Variants in SCAPER observed in about 807,000 individuals in gnomAD.
SCAPER encodes S phase cyclin A-associated protein in the endoplasmic reticulum.
SCAPER carries 98 observed loss-of-function variants against 182.2 expected under a neutral mutation model. The observed-to-expected ratio is 0.54, with a 90% CI of 0.46 to 0.64. The LOEUF is 0.64. Among genes scored for constraint, SCAPER ranks in the 30% least tolerant of loss-of-function variants. SCAPER has a pLI of 0.00. For missense variants in SCAPER, 1,432 were observed against 1,690.0 expected (o/e 0.85, Z 2.68); for synonymous variants, 605 against 564.6 (o/e 1.07, Z -1.01).
At chr15:76,798,902 A>G (rs561922218) in intron 7 of SCAPER, among the ~76,000 whole-genome samples, 2 of 152,318 alleles carry the variant, frequency 1.3e-5, no homozygotes, top group South Asian at 2.1e-4. Context: ...CCAGGCTCAA[A>G]CAAAAGGACA....
intron 27 of SCAPER, among the ~76,000 whole-genome samples, chr15:76,398,817 C>T (rs2044257533): frequency 6.6e-6 from 1 of 152,206 alleles, no homozygotes; most frequent in Admixed American, 6.5e-5. Flanking sequence ...TTCCTCTCTT[C>T]AGTGTAGTTG....
At chr15:76,557,059 G>A (rs971537268) in intron 23 of SCAPER, among the ~76,000 whole-genome samples, 1 of 152,118 alleles carries the variant, frequency 6.6e-6, no homozygotes, top group African/African-American at 2.4e-5. Flanking sequence ...ATAGAGAGGT[G>A]AAAGATTTCT....
At chr15:76,590,081 G>A (rs2048991767) in intron 22 of SCAPER, among the ~76,000 whole-genome samples, 1 of 152,152 alleles carries the variant, frequency 6.6e-6, no homozygotes, top group Admixed American at 6.5e-5. Context: ...AGGGTCTGTG[G>A]ATTCTCTCGG....
intron 21 of SCAPER, among the ~76,000 whole-genome samples, chr15:76,641,672 C>T (rs546360334): frequency 2.4e-4 from 36 of 152,238 alleles, no homozygotes; most frequent in Non-Finnish European, 4.3e-4. Flanking sequence ...TGGCTAATTG[C>T]TCACCCAGCA....
At chr15:76,402,220 G>A (rs938231293) in intron 27 of SCAPER, among the ~76,000 whole-genome samples, 4 of 152,128 alleles carry the variant, frequency 2.6e-5, no homozygotes, top group Middle Eastern at 3.2e-3. Context: ...ACTCAGAATT[G>A]TACTACTGAA....
At chr15:76,694,501 C>T (rs939668474) in intron 20 of SCAPER, among the ~76,000 whole-genome samples, 8 of 151,920 alleles carry the variant, frequency 5.3e-5, no homozygotes, top group African/African-American at 9.7e-5. Context: ...ATTGAATATA[C>T]ACAATTTCTG....
chr15:76,786,071 G>A (rs1019924447), intron 8 of SCAPER, among the ~76,000 whole-genome samples: 3 of 152,004 alleles, frequency 2.0e-5, no homozygotes, highest in African/African-American at 4.8e-5. Context: ...GCTCATGCCT[G>A]TAATCCCAGC....
chr15:76,831,124 G>A (rs1568279514), intron 5 of SCAPER, among the ~76,000 whole-genome samples: 1 of 152,110 alleles, frequency 6.6e-6, no homozygotes, highest in African/African-American at 2.4e-5. Context: ...TTAGGCATGG[G>A]GACAGCTACT....
At chr15:76,431,470 T>C (rs1207700548) in intron 26 of SCAPER, among the ~76,000 whole-genome samples, 1 of 151,816 alleles carries the variant, frequency 6.6e-6, no homozygotes, top group East Asian at 1.9e-4. Context: ...CTATGCCAGA[T>C]AAGGGGAAGG....
chr15:76,351,823 A>C (rs529423236), intron 30 of SCAPER, among the ~76,000 whole-genome samples: 13 of 152,208 alleles, frequency 8.5e-5, no homozygotes, highest in Non-Finnish European at 1.8e-4. Context: ...TCCTATCTAT[A>C]TTCATTCTCT....
chr15:76,553,986 G>C (rs2045985233), intron 23 of SCAPER, among the ~76,000 whole-genome samples: 1 of 152,072 alleles, frequency 6.6e-6, no homozygotes, highest in Non-Finnish European at 1.5e-5. Flanking sequence ...GGCTCAAACG[G>C]CTGAAATGAC....
chr15:76,652,692 CAG>C (rs1317582571), intron 21 of SCAPER, among the ~76,000 whole-genome samples: 8 of 150,170 alleles, frequency 5.3e-5, no homozygotes, highest in African/African-American at 2.0e-4. Context: ...GCCTGGGCGA[CAG>C]AGGGAGATTC....
intron 22 of SCAPER, among the ~76,000 whole-genome samples, chr15:76,575,455 A>G (rs2047747996): frequency 6.6e-6 from 1 of 152,250 alleles, no homozygotes; most frequent in African/African-American, 2.4e-5. Flanking sequence ...TTGGAACAAG[A>G]AAATTTTCAC....
chr15:76,652,273 A>AAATAT (rs1207156993), intron 21 of SCAPER, among the ~76,000 whole-genome samples: 38 of 12,832 alleles, frequency 3.0e-3, no homozygotes, highest in Non-Finnish European at 4.8e-3. Flanking sequence ...AAAAAAAAAA[A>AAATAT]ATATATATAT....
chr15:76,734,790 T>C (rs1236103794), intron 15 of SCAPER, among the ~76,000 whole-genome samples: 1 of 152,058 alleles, frequency 6.6e-6, no homozygotes, highest in African/African-American at 2.4e-5. Context: ...GAGAACTGCT[T>C]GAACCCGGGA....
chr15:76,818,901 T>C (rs2067295453), intron 5 of SCAPER, among the ~76,000 whole-genome samples: 1 of 152,210 alleles, frequency 6.6e-6, no homozygotes, highest in Non-Finnish European at 1.5e-5. Flanking sequence ...TACTGTGCTT[T>C]TCCAACAGGC....
At chr15:76,431,878 T>A (rs893370361) in intron 26 of SCAPER, among the ~76,000 whole-genome samples, 1 of 152,124 alleles carries the variant, frequency 6.6e-6, no homozygotes, top group Non-Finnish European at 1.5e-5. Flanking sequence ...TCAATCATCA[T>A]TTTTAAGTCA....
At chr15:76,746,175 G>A (rs544996922) in intron 15 of SCAPER, among the ~76,000 whole-genome samples, 1 of 152,140 alleles carries the variant, frequency 6.6e-6, no homozygotes. Context: ...CTCAACAAAC[G>A]ATGAATAAAA....
chr15:76,807,516 TTTTTTTA>T (rs1266413898), intron 5 of SCAPER, among the ~76,000 whole-genome samples: 7 of 151,290 alleles, frequency 4.6e-5, no homozygotes, highest in Non-Finnish European at 7.4e-5. Context: ...CATTATTTAT[TTTTTTTA>T]TTTTTTATTT....
Sources: allele counts gnomAD v4.1 joint callset (sites outside exome capture counted in the v4.1 genomes callset), GRCh38; gene constraint gnomAD v4.1.1; transcripts MANE v1.5; gene names NCBI Gene and HGNC (gene_info 2026-07-23, HGNC 2026-07-21).